ZNF215: variants seen among roughly 807,000 people sequenced by gnomAD.
ZNF215 encodes BWSCR2-associated zinc finger protein 2.
ZNF215 carries 24 observed loss-of-function variants against 27.2 expected under a neutral mutation model. That is an observed-to-expected ratio of 0.88 (90% CI 0.64 to 1.24). The LOEUF (loss-of-function observed/expected upper bound fraction) is 1.24, where lower values mean the gene tolerates loss of function less well. Among genes scored for constraint, ZNF215 ranks in the 50% most tolerant of loss-of-function variants. The probability of loss-of-function intolerance (pLI) is 0.00; values close to 1 mark genes in which losing one functional copy is unlikely to be tolerated. For missense variants in ZNF215, 675 were observed against 605.7 expected (o/e 1.11, Z -1.20); for synonymous variants, 210 against 204.0 (o/e 1.03, Z -0.25).
chr11:6,989,680 C>T (rs1022841121), downstream of ZNF215, among the ~76,000 whole-genome samples: 1 of 152,170 alleles, frequency 6.6e-6, no homozygotes, highest in Admixed American at 6.5e-5. Flanking sequence ...GTATCCATGG[C>T]CCTACAAGTA....
chr11:6,966,601 A>G (rs1393129173), intron 5 of ZNF215, among the ~76,000 whole-genome samples: 2 of 152,112 alleles, frequency 1.3e-5, no homozygotes, highest in South Asian at 2.1e-4. Flanking sequence ...TTTAATATCT[A>G]TAGGATCTAT....
In ZNF215 at chr11:6,941,599, G is replaced by C. The variant is rs1329995836; in HGVS notation, c.429G>C (p.Gln143His). 22 of 1,613,978 alleles carry C rather than the reference G, an allele frequency of 1.4e-5. No individual in the cohort carries two copies. The highest frequency in any genetic ancestry group is 1.7e-5 in the Non-Finnish European group (20 of 1,179,956). Residue 143 changes from glutamine to histidine, a missense_variant, in exon 4 of 7, where the codon CAG becomes CAC. Transcript: ENST00000278319. ...EDMPCKDSAL[Q>H]MGSIKEKMKA... Reference sequence around the variant, plus strand: ...TGCCCTGCAAGGACTCTGCCCTGCAGATGGGGAGCATCAAGGAGAAAATGA... The same window carrying C: ...TGCCCTGCAAGGACTCTGCCCTGCACATGGGGAGCATCAAGGAGAAAATGA...
chr11:6,932,384 G>T lies in ZNF215; in HGVS notation c.112G>T (p.Val38Phe). 2 of 1,614,090 alleles carry T rather than the reference G, an allele frequency of 1.2e-6. No homozygotes were observed. Among genetic ancestry groups the T allele is most frequent in the Non-Finnish European group, 1.7e-6 (2 of 1,180,016 alleles). Residue 38 changes from valine (V) to phenylalanine (F), a missense_variant, in exon 3 of 7, where the codon GTC (valine) becomes TTC (phenylalanine). Val to Phe is a conservative substitution (Grantham distance 50). Transcript: ENST00000278319. ...DMSWQQETNPVVETHDSEASR... is the reference protein window; with the variant it reads ...DMSWQQETNPFVETHDSEASR... ...GTCTTGGCAGCAGGAAACCAACCCC[G>T]TCGTGGAGACACATGACTCTGAGGC...
intron 6 of ZNF215, among the ~76,000 whole-genome samples, chr11:6,950,776 A>G (rs1850023217): frequency 6.7e-6 from 1 of 148,492 alleles, no homozygotes; most frequent in African/African-American, 2.5e-5. Flanking sequence ...TATGTTGAAT[A>G]GGAGTGGTGA....
intron 6 of ZNF215, among the ~76,000 whole-genome samples, chr11:6,948,956 T>A (rs1484020437): frequency 7.0e-6 from 1 of 142,058 alleles, no homozygotes; most frequent in East Asian, 2.2e-4. Context: ...TGTCCATGTG[T>A]TCTCATTGTT....
intron 6 of ZNF215, 142 bp downstream of exon 6, chr11:6,943,783 C>A: frequency 1.5e-6 from 1 of 689,118 alleles, no homozygotes; most frequent in Non-Finnish European, 2.5e-6. Context: ...ACATTATTCG[C>A]TTTTGTTCAC....
At chr11:6,991,376 C>G (rs11041126), downstream of ZNF215, among the ~76,000 whole-genome samples, 1 of 152,360 alleles carries the variant, frequency 6.6e-6, no homozygotes, top group East Asian at 1.9e-4. Context: ...TCTGGTTTCC[C>G]TAAGACACTG....
rs537280177 is a variant in ZNF215, at chr11:6,931,539, A to G, written c.-179-555A>G. On this transcript the variant is annotated intron_variant, in intron 2 of 6. Coordinates refer to ENST00000278319, the MANE Select transcript of ZNF215 (RefSeq NM_013250.4). ...TGGTGGGCATTGCGTAATTCTCCAT[A>G]GTAACTCCTAACAAATATAAACTTT... Among the ~76,000 whole-genome samples, 641 of 152,360 alleles carry G rather than the reference A, an allele frequency of 4.2e-3. 7 individuals are homozygous for G. The highest frequency in any genetic ancestry group is 0.014 in the African/African-American group (596 of 41,584).
At chr11:6,939,006 T>C (rs1849539161) in intron 3 of ZNF215, among the ~76,000 whole-genome samples, 1 of 152,118 alleles carries the variant, frequency 6.6e-6, no homozygotes, top group Admixed American at 6.5e-5. Flanking sequence ...TGTAGTGTAA[T>C]GGGACTCTGA....
chr11:6,937,754 A>G (rs1849487760), intron 3 of ZNF215, among the ~76,000 whole-genome samples: 1 of 151,952 alleles, frequency 6.6e-6, no homozygotes, highest in Admixed American at 6.6e-5. Flanking sequence ...TGAGAAAATA[A>G]TAGTTTTTCA....
At chr11:6,959,305 T>C (rs2857900), downstream of ZNF215, among the ~76,000 whole-genome samples, 35,211 of 152,056 alleles carry the variant, frequency 0.23, 4,371 homozygotes, top group African/African-American at 0.31. Context: ...TGGGAAAGAA[T>C]GGAGCTTTCA....
At chr11:6,961,981 A>G (rs1054557985), downstream of ZNF215, among the ~76,000 whole-genome samples, 3 of 152,094 alleles carry the variant, frequency 2.0e-5, no homozygotes, top group African/African-American at 7.2e-5. Flanking sequence ...TATTTTGTAG[A>G]GCCGCTTTGG....
chr11:6,993,367 T>C (rs1306271333), downstream of ZNF215, among the ~76,000 whole-genome samples: 2 of 152,304 alleles, frequency 1.3e-5, no homozygotes, highest in Non-Finnish European at 2.9e-5. Flanking sequence ...CATTTTAGCC[T>C]CTGATCCTCA....
intron 6 of ZNF215, 33 bp downstream of exon 6, chr11:6,943,674 G>C: frequency 6.6e-7 from 1 of 1,512,740 alleles, no homozygotes; most frequent in Non-Finnish European, 9.2e-7. Context: ...GCCATAGTAA[G>C]AAGCTTCTGT....
chr11:6,949,687 G>A (rs915933494), intron 6 of ZNF215, among the ~76,000 whole-genome samples: 1 of 152,124 alleles, frequency 6.6e-6, no homozygotes, highest in Non-Finnish European at 1.5e-5. Flanking sequence ...TGGGTTGCCT[G>A]TTCACTCTGA....
At chr11:6,985,557 G>C (rs183435095), downstream of ZNF215, among the ~76,000 whole-genome samples, 15 of 152,284 alleles carry the variant, frequency 9.9e-5, no homozygotes, top group East Asian at 2.5e-3. Context: ...AATCAGGTAA[G>C]AGAAAGAAAT....
Position 6,956,672 on chromosome 11 carries a change from T to C in ZNF215, c.*141T>C. ...TCTTTAAATGATATCACAGAATTAA[T>C]GTTGGATAGAAATATCATTGGATAG... On this transcript the variant is annotated 3_prime_UTR_variant, in exon 7 of 7. Transcript: ENST00000278319. The C allele has an allele frequency of 7.2e-7, 1 of 1,397,500 alleles. No homozygotes were observed. Among genetic ancestry groups the C allele is most frequent in the South Asian group, 1.8e-5 (1 of 56,590 alleles). 86.6% of individuals were successfully genotyped at this position (1,397,500 alleles called of 1,614,324 possible).
chr11:6,942,085 G>A (rs893134171), intron 4 of ZNF215, among the ~76,000 whole-genome samples: 1 of 152,158 alleles, frequency 6.6e-6, no homozygotes, highest in African/African-American at 2.4e-5. Context: ...TGCTTTAAAG[G>A]GTCAAAATAA....
At chr11:6,952,714 G>A (rs1385689370) in intron 6 of ZNF215, among the ~76,000 whole-genome samples, 5 of 152,104 alleles carry the variant, frequency 3.3e-5, no homozygotes, top group Non-Finnish European at 7.4e-5. Context: ...TCTTTTAATT[G>A]GAGCATTTAG....
Sources: gnomAD v4.1 joint callset for allele counts (sites outside exome capture counted in the v4.1 genomes callset) on GRCh38, gnomAD v4.1.1 for gene constraint, MANE v1.5 for transcripts, NCBI Gene and HGNC (gene_info 2026-07-23, HGNC 2026-07-21) for gene names.